Variants in ISX observed in about 807,000 individuals in gnomAD.
ISX encodes the protein intestine-specific homeobox.
ISX carries 15 observed loss-of-function variants against 16.9 expected under a neutral mutation model. The observed-to-expected ratio is 0.89, with a 90% CI of 0.59 to 1.36. The LOEUF is 1.36. ISX is among the 40% of genes most tolerant of loss of function. The pLI is 0.00. For synonymous variants in ISX, 125 were observed against 119.7 expected, an observed-to-expected ratio of 1.04 and a Z score of -0.29; for missense variants, 316 against 306.1, an observed-to-expected ratio of 1.03 and a Z score of -0.24.
At chr22:35,082,800 A>T in intron 3 of ISX, 131 bp downstream of exon 3, 1 of 862,416 alleles carries the variant, frequency 1.2e-6, no homozygotes, top group Admixed American at 2.8e-5. Flanking sequence ...GAGTACAGTC[A>T]TTTTGGCCAA....
intron 2 of ISX, among the ~76,000 whole-genome samples, chr22:35,071,697 A>G (rs567963120): frequency 6.6e-6 from 1 of 152,362 alleles, no homozygotes; most frequent in Admixed American, 6.5e-5. Flanking sequence ...GTCAGCTCCC[A>G]GTCGGAGAGA....
intron 3 of ISX, 46 bp from the exon 4 acceptor site, chr22:35,084,337 T>C (rs1415111657): frequency 3.9e-6 from 5 of 1,290,698 alleles, no homozygotes; most frequent in Non-Finnish European, 5.6e-6. Flanking sequence ...TGGTATTAGA[T>C]GGAGGAAAAC....
At chr22:35,070,269 A>G (rs924954528) in intron 2 of ISX, among the ~76,000 whole-genome samples, 1 of 152,188 alleles carries the variant, frequency 6.6e-6, no homozygotes, top group Non-Finnish European at 1.5e-5. Flanking sequence ...GGGAAAATCC[A>G]AGAGGACTTC....
At chr22:35,078,815 A>G (rs996274173) in intron 2 of ISX, among the ~76,000 whole-genome samples, 7 of 152,222 alleles carry the variant, frequency 4.6e-5, no homozygotes, top group Middle Eastern at 3.2e-3. Flanking sequence ...CCCTTTCACC[A>G]AGTAAACGCG....
chr22:35,082,691 C>T lies in ISX; in HGVS notation c.381+22C>T, dbSNP rs764424110. On this transcript the variant is annotated intron_variant, in intron 3 of 4. Transcript: ENST00000404699. ...GCAGGTACAGCCATCCCTACCTCAG[C>T]CCCCAGCCTCCATGCCCTTGGGACC... 7.4e-6 allele frequency: 12 copies of T among 1,612,920 alleles called. No homozygotes were observed. In the South Asian group the frequency reaches 1.3e-4, roughly 18 times the overall value.
chr22:35,071,825 G>A (rs1448787416), intron 2 of ISX, among the ~76,000 whole-genome samples: 1 of 152,046 alleles, frequency 6.6e-6, no homozygotes, highest in Non-Finnish European at 1.5e-5. Context: ...TTCCTTCCCT[G>A]TTCCTCACTT....
At chr22:35,081,722 C>T (rs1180074735) in intron 2 of ISX, among the ~76,000 whole-genome samples, 1 of 152,146 alleles carries the variant, frequency 6.6e-6, no homozygotes, top group African/African-American at 2.4e-5. Context: ...AGGGTGGGTC[C>T]CCAGGTCCCT....
At chr22:35,068,473 G>T (rs1928765763) in intron 2 of ISX, among the ~76,000 whole-genome samples, 1 of 152,120 alleles carries the variant, frequency 6.6e-6, no homozygotes. Flanking sequence ...AAAGGGAAAG[G>T]GTCTCTAGCT....
At chr22:35,075,278 T>G (rs1928952557) in intron 2 of ISX, among the ~76,000 whole-genome samples, 2 of 152,098 alleles carry the variant, frequency 1.3e-5, no homozygotes, top group South Asian at 4.1e-4. Flanking sequence ...ACAACAAAAT[T>G]GAGTGGCTGG....
At chr22:35,078,924 C>T (rs1929057770) in intron 2 of ISX, among the ~76,000 whole-genome samples, 1 of 152,184 alleles carries the variant, frequency 6.6e-6, no homozygotes, top group South Asian at 2.1e-4. Flanking sequence ...CCTTAGTGAC[C>T]TGATCATTCA....
At chr22:35,083,623 T>C (rs1929175641) in intron 3 of ISX, among the ~76,000 whole-genome samples, 1 of 152,252 alleles carries the variant, frequency 6.6e-6, no homozygotes, top group African/African-American at 2.4e-5. Flanking sequence ...GCTCTCCTTT[T>C]TTTCTTTCCA....
intron 2 of ISX, among the ~76,000 whole-genome samples, chr22:35,078,448 T>C (rs916250111): frequency 6.9e-6 from 1 of 143,986 alleles, no homozygotes; most frequent in Admixed American, 7.2e-5. Flanking sequence ...GCTCTAAACA[T>C]AGAATAAATA....
chr22:35,083,706 C>T (rs1929177510), intron 3 of ISX, among the ~76,000 whole-genome samples: 1 of 152,216 alleles, frequency 6.6e-6, no homozygotes, highest in Non-Finnish European at 1.5e-5. Context: ...TTCCTTCTGG[C>T]TGGGGACCAC....
chr22:35,081,090 A>C (rs1467673922), intron 2 of ISX, among the ~76,000 whole-genome samples: 1 of 152,276 alleles, frequency 6.6e-6, no homozygotes, highest in Non-Finnish European at 1.5e-5. Context: ...AGATATTGCC[A>C]GTAAGAAAGA....
intron 2 of ISX, among the ~76,000 whole-genome samples, chr22:35,074,685 T>C (rs1053287588): frequency 2.0e-5 from 3 of 152,224 alleles, no homozygotes; most frequent in Non-Finnish European, 4.4e-5. Context: ...TCCTTAGTTC[T>C]TGGCAAGAAG....
chr22:35,085,729 C>T lies in ISX; in HGVS notation c.*36C>T. The T allele has an allele frequency of 6.2e-7, 1 of 1,613,310 alleles. No homozygotes were observed. Among genetic ancestry groups the T allele is most frequent in the South Asian group, 1.1e-5 (1 of 91,048 alleles). On this transcript the variant is annotated 3_prime_UTR_variant, in exon 5 of 5. Coordinates refer to ENST00000404699, the MANE Select transcript of ISX (RefSeq NM_001303508.2). The stretch of plus-strand genomic sequence containing the variant: ...TGCTCTCCCCAAATGAGCCACTTTC[C>T]TCTCCAGGTGAAGGCAGGTAGCAGA...
chr22:35,084,774 C>T (rs1311496033), intron 4 of ISX, among the ~76,000 whole-genome samples: 1 of 152,130 alleles, frequency 6.6e-6, no homozygotes, highest in Non-Finnish European at 1.5e-5. Flanking sequence ...AACAGGATCA[C>T]AGAGGGAAGT....
At position 35,080,083 on chromosome 22, in the gene ISX, G is replaced by A. The variant is rs1229367334; in HGVS notation, c.230-2435G>A. On this transcript the variant is annotated intron_variant, in intron 2 of 4. Coordinates refer to ENST00000404699, the MANE Select transcript of ISX (RefSeq NM_001303508.2). ...CTGCAGCATGGACCCAGCTGACTGTGCCTTCTTTCAGTCCTCACTTTCCTC... is the reference window on the plus strand; with the variant it reads ...CTGCAGCATGGACCCAGCTGACTGTACCTTCTTTCAGTCCTCACTTTCCTC... Among the ~76,000 whole-genome samples, 4 of 152,104 alleles carry A rather than the reference G, an allele frequency of 2.6e-5. No homozygotes were observed. In the East Asian group the frequency reaches 7.7e-4, roughly 29 times the overall value.
chr22:35,067,995 C>A (rs1416762037), intron 2 of ISX, among the ~76,000 whole-genome samples: 1 of 152,218 alleles, frequency 6.6e-6, no homozygotes, highest in East Asian at 1.9e-4. Context: ...CGCACTGGGG[C>A]ATTGGTGTGG....
Sources: gnomAD v4.1 joint callset for allele counts (sites outside exome capture counted in the v4.1 genomes callset) on GRCh38, gnomAD v4.1.1 for gene constraint, MANE v1.5 for transcripts, NCBI Gene and HGNC (gene_info 2026-07-23, HGNC 2026-07-21) for gene names.